The following DLGAP2 variants were observed in gnomAD, a reference collection of about 807,000 sequenced individuals.
DLGAP2 encodes DLG associated protein 2.
A neutral mutation model predicts 100.3 loss-of-function variants in DLGAP2; 26 were observed. The ratio of observed to expected loss-of-function variants is 0.26; its 90% CI spans 0.19 to 0.36. The LOEUF (loss-of-function observed/expected upper bound fraction) is 0.36. DLGAP2 is among the 10% of genes least tolerant of loss of function. The probability of loss-of-function intolerance (pLI) is 1.00; values close to 1 mark genes in which losing one functional copy is unlikely to be tolerated. For missense variants in DLGAP2, 1,858 were observed against 1,453.2 expected, an observed-to-expected ratio of 1.28 and a Z score of -4.53; for synonymous variants, 886 against 630.1, an observed-to-expected ratio of 1.41 and a Z score of -6.08.
chr8:1,095,107 C>T (rs372039902), intron 2 of DLGAP2, among the ~76,000 whole-genome samples: 11 of 140,940 alleles, frequency 7.8e-5, no homozygotes, highest in Non-Finnish European at 1.5e-4. Flanking sequence ...CAGCAGCCTG[C>T]GCTGGCATGG....
At chr8:1,025,349 C>G (rs1254803477) in intron 2 of DLGAP2, among the ~76,000 whole-genome samples, 1 of 152,140 alleles carries the variant, frequency 6.6e-6, no homozygotes, top group South Asian at 2.1e-4. Context: ...CTCTTGGTCT[C>G]TGTCCAGCAC....
At chr8:1,116,041 A>G (rs1805105303) in intron 2 of DLGAP2, among the ~76,000 whole-genome samples, 1 of 152,218 alleles carries the variant, frequency 6.6e-6, no homozygotes. Flanking sequence ...GTGGCCAGTG[A>G]CAGTCACTTG....
intron 1 of DLGAP2, among the ~76,000 whole-genome samples, chr8:804,860 G>C (rs1192674265): frequency 6.6e-6 from 1 of 152,050 alleles, no homozygotes; most frequent in Non-Finnish European, 1.5e-5. Context: ...CGGCCTCCTG[G>C]GCTTAAGTGA....
intron 3 of DLGAP2, among the ~76,000 whole-genome samples, chr8:1,412,894 C>G (rs760498337): frequency 6.6e-6 from 1 of 152,162 alleles, no homozygotes; most frequent in African/African-American, 2.4e-5. Flanking sequence ...TATTTCCTGT[C>G]TCCCTGTCTC....
At chr8:1,159,743 T>G (rs1796854789) in intron 2 of DLGAP2, among the ~76,000 whole-genome samples, 1 of 152,238 alleles carries the variant, frequency 6.6e-6, no homozygotes, top group African/African-American at 2.4e-5. Flanking sequence ...CTATACGATT[T>G]CAGTCATACA....
intron 2 of DLGAP2, among the ~76,000 whole-genome samples, chr8:979,962 G>A (rs543876067): frequency 6.6e-6 from 1 of 152,322 alleles, no homozygotes; most frequent in South Asian, 2.1e-4. Context: ...GAGGCACGCA[G>A]AACCATGGAG....
intron 3 of DLGAP2, among the ~76,000 whole-genome samples, chr8:1,359,178 C>T (rs1431571603): frequency 6.6e-6 from 1 of 152,138 alleles, no homozygotes; most frequent in African/African-American, 2.4e-5. Flanking sequence ...AAAGGAGGGC[C>T]CAGGACACCC....
chr8:1,313,803 C>G (rs1234872830), intron 3 of DLGAP2, among the ~76,000 whole-genome samples: 1 of 152,002 alleles, frequency 6.6e-6, no homozygotes, highest in Admixed American at 6.6e-5. Flanking sequence ...GAAGCAAGAT[C>G]CAAGTTCAGC....
intron 1 of DLGAP2, among the ~76,000 whole-genome samples, chr8:750,403 T>C (rs999074810): frequency 2.0e-5 from 3 of 152,236 alleles, no homozygotes; most frequent in Non-Finnish European, 4.4e-5. Context: ...TCGAATCTTT[T>C]CTATGTCTAC....
At chr8:1,147,445 G>C (rs1051026547) in intron 2 of DLGAP2, among the ~76,000 whole-genome samples, 1 of 151,538 alleles carries the variant, frequency 6.6e-6, no homozygotes, top group Non-Finnish European at 1.5e-5. Flanking sequence ...GTCTGCAAAT[G>C]CCAGTTTTAT....
At chr8:905,018 G>A in intron 1 of DLGAP2, among the ~76,000 whole-genome samples, 1 of 152,220 alleles carries the variant, frequency 6.6e-6, no homozygotes, top group East Asian at 1.9e-4. Context: ...TGGATTTAAT[G>A]CACTATCCTG....
Position 1,697,140 on chromosome 8 carries a change from TC to T in DLGAP2, c.2797-3del. 2 of 1,559,592 alleles carry T rather than the reference TC, an allele frequency of 1.3e-6. No individual in the cohort carries two copies. Among genetic ancestry groups the T allele is most frequent in the Non-Finnish European group, 8.7e-7 (1 of 1,151,486 alleles). ...CCTGGCTCTGAACACCCTGTGTGTG[TC>T]CCCAGGACCCCAGCGCCATGCCGAG... On this transcript the variant is annotated splice_region_variant and splice_polypyrimidine_tract_variant and intron_variant, in intron 13 of 14. Transcript: ENST00000637795.
intron 1 of DLGAP2, among the ~76,000 whole-genome samples, chr8:886,424 G>T (rs1797922996): frequency 6.6e-6 from 1 of 151,978 alleles, no homozygotes; most frequent in Admixed American, 6.6e-5. Flanking sequence ...TTTTGGATTA[G>T]TTTGCTCTTG....
chr8:1,648,724 C>T (rs552084713), intron 8 of DLGAP2, among the ~76,000 whole-genome samples: 76 of 152,298 alleles, frequency 5.0e-4, no homozygotes, highest in Non-Finnish European at 8.5e-4. Flanking sequence ...TCCCAGCTTC[C>T]GGCCTCTTTC....
chr8:1,506,980 T>A, intron 4 of DLGAP2, among the ~76,000 whole-genome samples: 2 of 152,138 alleles, frequency 1.3e-5, no homozygotes, highest in Admixed American at 6.5e-5. Flanking sequence ...AGATACAGGG[T>A]GCTGATTGGT....
At chr8:815,094 G>A (rs1463697126) in intron 1 of DLGAP2, among the ~76,000 whole-genome samples, 1 of 152,054 alleles carries the variant, frequency 6.6e-6, no homozygotes. Flanking sequence ...AATAGAAAGG[G>A]GGGTGTCGCA....
chr8:826,878 C>T (rs1224858769), intron 1 of DLGAP2, among the ~76,000 whole-genome samples: 3 of 152,182 alleles, frequency 2.0e-5, no homozygotes, highest in Non-Finnish European at 4.4e-5. Flanking sequence ...ATTTTCCAGC[C>T]TCGCACCAGT....
chr8:1,212,123 A>C (rs1257511835), intron 2 of DLGAP2, among the ~76,000 whole-genome samples: 1 of 152,200 alleles, frequency 6.6e-6, no homozygotes, highest in Non-Finnish European at 1.5e-5. Context: ...GAGAATATCG[A>C]ATGTGCAGAA....
chr8:1,670,351 C>G (rs950061088), intron 10 of DLGAP2, among the ~76,000 whole-genome samples: 2 of 152,244 alleles, frequency 1.3e-5, no homozygotes, highest in African/African-American at 4.8e-5. Flanking sequence ...GTGGTCAGCC[C>G]TCTTCCGCTC....
Sources: allele counts gnomAD v4.1 joint callset (sites outside exome capture counted in the v4.1 genomes callset), GRCh38; gene constraint gnomAD v4.1.1; transcripts MANE v1.5; gene names NCBI Gene and HGNC (gene_info 2026-07-23, HGNC 2026-07-21).